Variants in MARCHF1 observed in about 807,000 individuals in gnomAD.
The protein encoded by MARCHF1 is membrane associated ring-CH-type finger 1.
MARCHF1 carries 40 observed loss-of-function variants against 54.2 expected under a neutral mutation model. The ratio of observed to expected loss-of-function variants is 0.74; its 90% confidence interval spans 0.57 to 0.96. The LOEUF is 0.96. MARCHF1 is among the 40% of genes least tolerant of loss of function. The probability of loss-of-function intolerance (pLI) is 0.00; values close to 1 mark genes in which losing one functional copy is unlikely to be tolerated. For missense variants in MARCHF1, 586 were observed against 656.5 expected, an observed-to-expected ratio of 0.89 and a Z score of 1.17; for synonymous variants, 236 against 236.3, an observed-to-expected ratio of 1.00 and a Z score of 0.01.
intron 1 of MARCHF1, among the ~76,000 whole-genome samples, chr4:164,261,159 C>T (rs2111276159): frequency 6.6e-6 from 1 of 152,234 alleles, no homozygotes; most frequent in Admixed American, 6.5e-5. Context: ...TCCTTAGCAC[C>T]TTCTCAGGCA....
intron 4 of MARCHF1, among the ~76,000 whole-genome samples, chr4:163,781,904 C>T (rs1747476442): frequency 6.6e-6 from 1 of 152,102 alleles, no homozygotes; most frequent in Non-Finnish European, 1.5e-5. Context: ...TTAGTATTAT[C>T]ATTAATCTAA....
intron 3 of MARCHF1, among the ~76,000 whole-genome samples, chr4:163,896,859 A>AT (rs1000582408): frequency 5.3e-5 from 8 of 152,108 alleles, no homozygotes; most frequent in African/African-American, 1.9e-4. Context: ...TTTCTAAATA[A>AT]TTATCCCGCT....
intron 5 of MARCHF1, among the ~76,000 whole-genome samples, chr4:163,644,934 C>T (rs1026426799): frequency 4.1e-4 from 63 of 152,200 alleles, no homozygotes; most frequent in African/African-American, 1.5e-3. Context: ...AGAGACATAC[C>T]CCAGAGATAG....
rs558710286 is a variant in MARCHF1 at position 163,722,635 on chromosome 4, G to A, written c.112-21772C>T. The stretch of plus-strand genomic sequence containing the variant: ...CTAATGTTGACAGTGGGGTGTTAAA[G>A]TCTCCCATTATTATTTTGTGGGAGT... On this transcript the variant is annotated intron_variant, in intron 4 of 9. Transcript: ENST00000514618. 1.9e-4 allele frequency among the ~76,000 whole-genome samples: 29 copies of A among 152,244 alleles called. 2 individuals carry two copies. The South Asian group carries it at 6.0e-3, about 32-fold the overall frequency.
At chr4:164,185,875 T>C (rs371292648) in intron 1 of MARCHF1, among the ~76,000 whole-genome samples, 11 of 151,850 alleles carry the variant, frequency 7.2e-5, no homozygotes, top group Admixed American at 1.3e-4. Context: ...TTATTGAGGG[T>C]TTAATAAGAC....
intron 3 of MARCHF1, among the ~76,000 whole-genome samples, chr4:163,879,219 A>C (rs4691104): frequency 2.6e-5 from 4 of 152,108 alleles, no homozygotes; most frequent in Admixed American, 2.0e-4. Context: ...GGAAGCATGC[A>C]GTGTCCTGGG....
In MARCHF1 at chr4:164,359,010, TTCTC is replaced by T. The variant is rs540743381; in HGVS notation, c.-323+24856_-323+24859del. Among the ~76,000 whole-genome samples the T allele has an allele frequency of 2.6e-3, 398 of 152,290 alleles. 2 individuals are homozygous for T. The highest frequency in any genetic ancestry group is 6.8e-3 in the Middle Eastern group (2 of 294). On this transcript the variant is annotated intron_variant, in intron 1 of 9. Transcript: ENST00000514618. ...ATATCAATCCATTTAAGAAAGATCT[TTCTC>T]TTATTACTCTGAAAAAACTGACAAA...
Position 163,602,592 on chromosome 4 carries a change from G to A in MARCHF1, c.1010+9679C>T, listed in dbSNP as rs564285725. 5.3e-5 allele frequency among the ~76,000 whole-genome samples: 8 copies of A among 152,164 alleles called. No homozygotes were observed. The South Asian group carries it at 1.5e-3, about 28-fold the overall frequency. On this transcript the variant is annotated intron_variant, in intron 7 of 9. Transcript: ENST00000514618. ...ACTCAGATTTTATTAAAATCAACAG[G>A]AGAATGGTTGGTCTTTGTTCTGACA...
intron 1 of MARCHF1, among the ~76,000 whole-genome samples, chr4:164,122,834 A>G (rs1028182651): frequency 3.9e-5 from 6 of 152,242 alleles, no homozygotes; most frequent in African/African-American, 1.2e-4. Context: ...CGTACTGAGT[A>G]GTGAAAAACT....
Position 164,046,097 on chromosome 4 carries a change from A to T in MARCHF1, c.-247-57388T>A, listed in dbSNP as rs146149775. On this transcript the variant is annotated intron_variant, in intron 2 of 9. Transcript: ENST00000514618. ...AAATTAAAGCCCCAGTTTTCATAGA[A>T]CGAAGCAATAAGAGACAGGTGACAG... Among the ~76,000 whole-genome samples the T allele has an allele frequency of 2.2e-3, 335 of 152,346 alleles. 1 individual carries two copies. The highest frequency in any genetic ancestry group is 7.6e-3 in the African/African-American group (316 of 41,590).
chr4:163,795,285 A>T (rs2110952629), intron 4 of MARCHF1, among the ~76,000 whole-genome samples: 1 of 152,136 alleles, frequency 6.6e-6, no homozygotes. Context: ...GCTGGAGTGC[A>T]ATGGTGCAAT....
chr4:163,568,988 T>C lies in MARCHF1; in HGVS notation c.1191+16761A>G, dbSNP rs189408855. Reference sequence around the variant, plus strand: ...TCTGTAGCAGTTGGGGCCAAGTAGGTTTCTCCTCCTTCATTGAAATGGTAC... The same window carrying C: ...TCTGTAGCAGTTGGGGCCAAGTAGGCTTCTCCTCCTTCATTGAAATGGTAC... On this transcript the variant is annotated intron_variant, in intron 8 of 9. Transcript: ENST00000514618. Among the ~76,000 whole-genome samples the C allele has an allele frequency of 1.2e-4, 19 of 152,234 alleles. No homozygotes were observed. The East Asian group carries it at 3.3e-3, about 26-fold the overall frequency.
intron 1 of MARCHF1, among the ~76,000 whole-genome samples, chr4:164,340,405 T>TTATATACATACATGTATATATATATATA (rs58808830): frequency 1.0e-5 from 1 of 95,648 alleles, no homozygotes; most frequent in African/African-American, 3.6e-5. Context: ...AGGCCTTGAT[T>TTATATACATACATGTATATATATATATA]TATATATAGA....
At chr4:164,044,412 G>A (rs1441970085) in intron 2 of MARCHF1, among the ~76,000 whole-genome samples, 2 of 152,042 alleles carry the variant, frequency 1.3e-5, no homozygotes, top group Non-Finnish European at 2.9e-5. Flanking sequence ...AGGGGGAAGT[G>A]CCACAAACTT....
chr4:163,612,074 T>C (rs948754647), intron 7 of MARCHF1, among the ~76,000 whole-genome samples, 197 bp downstream of exon 7: 1 of 152,080 alleles, frequency 6.6e-6, no homozygotes, highest in African/African-American at 2.4e-5. Context: ...CTAATTGTAC[T>C]TGGTAACAGC....
intron 1 of MARCHF1, among the ~76,000 whole-genome samples, chr4:164,380,473 A>T (rs1322395973): frequency 6.6e-6 from 1 of 152,234 alleles, no homozygotes; most frequent in Non-Finnish European, 1.5e-5. Flanking sequence ...CCTCAAGTAC[A>T]TGACAAAGTC....
chr4:164,184,542 A>C (rs1365128382), intron 1 of MARCHF1, among the ~76,000 whole-genome samples: 1 of 152,230 alleles, frequency 6.6e-6, no homozygotes, highest in Non-Finnish European at 1.5e-5. Flanking sequence ...AAAGGGTTAT[A>C]CCAGTTAAAT....
intron 4 of MARCHF1, among the ~76,000 whole-genome samples, chr4:163,817,406 CA>C (rs1439713279): frequency 6.6e-6 from 1 of 151,004 alleles, no homozygotes; most frequent in East Asian, 1.9e-4. Flanking sequence ...TACACATATA[CA>C]TATATATGTA....
At chr4:163,843,920 T>G (rs1208325704) in intron 4 of MARCHF1, among the ~76,000 whole-genome samples, 2 of 152,114 alleles carry the variant, frequency 1.3e-5, no homozygotes, top group African/African-American at 2.4e-5. Flanking sequence ...GATGCCTGTA[T>G]GTCTTCTTTT....
Sources: gnomAD v4.1 joint callset for allele counts (sites outside exome capture counted in the v4.1 genomes callset) on GRCh38, gnomAD v4.1.1 for gene constraint, MANE v1.5 for transcripts, NCBI Gene and HGNC (gene_info 2026-07-23, HGNC 2026-07-21) for gene names.